Variants in PPP4R3B observed in about 807,000 individuals in gnomAD.
PPP4R3B encodes the protein protein phosphatase 4 regulatory subunit 3B.
PPP4R3B carries 52 observed loss-of-function variants against 95.4 expected under a neutral mutation model. The ratio of observed to expected loss-of-function variants is 0.54; its 90% CI spans 0.44 to 0.69. PPP4R3B has a LOEUF of 0.69. Ranked by LOEUF, PPP4R3B falls within the 30% of genes least tolerant of loss-of-function variation. PPP4R3B has a pLI of 0.00. For synonymous variants in PPP4R3B, 407 were observed against 343.9 expected, an observed-to-expected ratio of 1.18 and a Z score of -2.03; for missense variants, 1,003 against 1,005.9, an observed-to-expected ratio of 1.00 and a Z score of 0.04.
At chr2:55,611,576 A>G (rs1467120783) in intron 2 of PPP4R3B, among the ~76,000 whole-genome samples, 1 of 152,242 alleles carries the variant, frequency 6.6e-6, no homozygotes, top group Non-Finnish European at 1.5e-5. Context: ...GTCATATGAC[A>G]TTCAGCTTGA....
Position 55,602,222 on chromosome 2 carries a change from T to C in PPP4R3B, c.297+1756A>G, listed in dbSNP as rs79162130. ...TCTACTCCACACTGGCCCCAAATAC[T>C]AGGTATATTCATACTGATATTATTT... On this transcript the variant is annotated intron_variant, in intron 3 of 16. Transcript: ENST00000616407. Among the ~76,000 whole-genome samples, 173 of 152,346 alleles carry C rather than the reference T, an allele frequency of 1.1e-3. 1 individual carries two copies. The highest frequency in any genetic ancestry group is 3.5e-3 in the African/African-American group (146 of 41,586).
At chr2:55,574,077 G>C (rs1046454620) in intron 11 of PPP4R3B, among the ~76,000 whole-genome samples, 3 of 151,006 alleles carry the variant, frequency 2.0e-5, no homozygotes, top group African/African-American at 7.3e-5. Flanking sequence ...AGTTTTTGTA[G>C]AGATGGGGCC....
At chr2:55,574,796 G>A (rs1038029969) in intron 11 of PPP4R3B, among the ~76,000 whole-genome samples, 8 of 151,484 alleles carry the variant, frequency 5.3e-5, no homozygotes, top group Non-Finnish European at 7.4e-5. Context: ...AGGTTTCACC[G>A]TGTTAGCCAG....
chr2:55,554,120 A>G (rs1261770568), intron 16 of PPP4R3B, among the ~76,000 whole-genome samples: 4 of 152,194 alleles, frequency 2.6e-5, no homozygotes, highest in Non-Finnish European at 5.9e-5. Flanking sequence ...TCGAAAGTGC[A>G]GTGATGTGAT....
intron 7 of PPP4R3B, among the ~76,000 whole-genome samples, chr2:55,583,063 C>T (rs1362946565): frequency 6.6e-6 from 1 of 152,070 alleles, no homozygotes; most frequent in African/African-American, 2.4e-5. Context: ...GTTGCCATAA[C>T]CAAATCTGCT....
intron 13 of PPP4R3B, among the ~76,000 whole-genome samples, chr2:55,567,550 G>T (rs1318119878): frequency 6.6e-6 from 1 of 152,040 alleles, no homozygotes; most frequent in Non-Finnish European, 1.5e-5. Context: ...CAAGTGGCTG[G>T]GACTACAGGC....
At chr2:55,588,806 G>T in intron 5 of PPP4R3B, 73 bp downstream of exon 5, 2 of 948,692 alleles carry the variant, frequency 2.1e-6, no homozygotes, top group South Asian at 1.9e-5. Flanking sequence ...TCTCAAGTTA[G>T]CAAATTCAAG....
rs989738948 is a variant in PPP4R3B, at chr2:55,564,407, T to C, written c.2166A>G (p.Glu722=). ...GTGCCACAACTGCTTTTCCTTCCTCTTCTTCATCTTCATTAAACCACATTT... is the reference window on the plus strand; with the variant it reads ...GTGCCACAACTGCTTTTCCTTCCTCCTCTTCATCTTCATTAAACCACATTT... ...DEEMWFNEDE[E]EEGKAVVAPV... is the part of the protein sequence containing the mutation. The change falls in exon 15 of 17, where the codon GAA becomes GAG. Residue 722 remains glutamate (E), a synonymous_variant. Coordinates refer to ENST00000616407, the MANE Select transcript of PPP4R3B (RefSeq NM_001122964.3). 6.2e-7 allele frequency: 1 copy of C among 1,613,944 alleles called. No individual in the cohort carries two copies. The highest frequency in any genetic ancestry group is 8.5e-7 in the Non-Finnish European group (1 of 1,179,918).
chr2:55,575,967 T>C (rs1478883033), intron 11 of PPP4R3B, among the ~76,000 whole-genome samples: 3 of 152,216 alleles, frequency 2.0e-5, no homozygotes, highest in Admixed American at 1.3e-4. Context: ...CTACTTTAAA[T>C]GCAAGTAAAG....
rs952821986 is a variant in PPP4R3B at position 55,577,291 on chromosome 2, C to A, written c.1606+24G>T. The A allele has an allele frequency of 2.6e-6, 4 of 1,544,762 alleles. No homozygotes were observed. In the Admixed American group the frequency reaches 6.5e-5, roughly 25 times the overall value. ...AAAAAGTTTATAATTTGCATGTATT[C>A]ATAAAGTATGAATTCATACTTACCG... is the stretch of plus-strand genomic sequence containing the variant. On this transcript the variant is annotated intron_variant, in intron 11 of 16. Transcript: ENST00000616407.
intron 2 of PPP4R3B, among the ~76,000 whole-genome samples, chr2:55,612,282 T>C (rs1039901313): frequency 6.6e-6 from 1 of 152,178 alleles, no homozygotes; most frequent in Admixed American, 6.5e-5. Flanking sequence ...ACAACAGACT[T>C]CATGTGATAT....
chr2:55,556,196 TCTTG>T (rs370614988), intron 16 of PPP4R3B, among the ~76,000 whole-genome samples: 37 of 152,344 alleles, frequency 2.4e-4, no homozygotes, highest in African/African-American at 8.4e-4. Flanking sequence ...TCAACTCCTG[TCTTG>T]CTTAATTTCA....
At chr2:55,597,783 A>G (rs1212764013) in intron 4 of PPP4R3B, among the ~76,000 whole-genome samples, 2 of 152,218 alleles carry the variant, frequency 1.3e-5, no homozygotes, top group Admixed American at 6.5e-5. Flanking sequence ...CTTGGGCAAC[A>G]AGAGCAAAAC....
chr2:55,588,229 T>C (rs1384088739), intron 5 of PPP4R3B, among the ~76,000 whole-genome samples: 1 of 152,162 alleles, frequency 6.6e-6, no homozygotes, highest in African/African-American at 2.4e-5. Flanking sequence ...AGAAAAGCAT[T>C]GCGGCTAGGC....
intron 4 of PPP4R3B, among the ~76,000 whole-genome samples, chr2:55,590,798 A>C (rs1474146309): frequency 6.6e-6 from 1 of 152,210 alleles, no homozygotes; most frequent in Non-Finnish European, 1.5e-5. Flanking sequence ...TTTCTTACTG[A>C]GGATCATCCA....
rs541073988 is a variant in PPP4R3B, at chr2:55,598,656, T to C, written c.681A>G (p.Glu227=). 4 of 1,614,210 alleles carry C rather than the reference T, an allele frequency of 2.5e-6. No individual in the cohort carries two copies. The South Asian group carries it at 4.4e-5, about 18-fold the overall frequency. Residue 227 remains glutamate (E), a synonymous_variant, in exon 4 of 17, where the codon GAA becomes GAG. Transcript: ENST00000616407. ...TTGGCTGAGCCAAAGCAGGGTCATA[T>C]TCAAGGCATCCCACGACATCCATGA... is the stretch of plus-strand genomic sequence containing the variant. ...ECIMDVVGCL[E]YDPALAQPKR... is the part of the protein sequence containing the mutation.
rs531409726 is a variant in PPP4R3B at position 55,578,088 on chromosome 2, T to C, written c.1564+159A>G. ...CAATATGAACAGGTATCAATACGAATAGATCTCAAAAATAACACTGGATAA... is the reference window on the plus strand; with the variant it reads ...CAATATGAACAGGTATCAATACGAACAGATCTCAAAAATAACACTGGATAA... On this transcript the variant is annotated intron_variant, in intron 10 of 16. Transcript: ENST00000616407. Among the ~76,000 whole-genome samples, 9 of 152,244 alleles carry C rather than the reference T, an allele frequency of 5.9e-5. No homozygotes were observed. In the South Asian group the frequency reaches 1.4e-3, roughly 25 times the overall value.
At chr2:55,600,784 G>A (rs1461711308) in intron 3 of PPP4R3B, among the ~76,000 whole-genome samples, 1 of 151,770 alleles carries the variant, frequency 6.6e-6, no homozygotes, top group East Asian at 1.9e-4. Flanking sequence ...AAAAAACAAT[G>A]ACAAATGGAA....
At chr2:55,557,490 A>T (rs530979032) in intron 16 of PPP4R3B, among the ~76,000 whole-genome samples, 2 of 152,316 alleles carry the variant, frequency 1.3e-5, no homozygotes, top group South Asian at 4.1e-4. Flanking sequence ...AAACATTCTT[A>T]ATGTAGTGTC....
Sources: allele counts gnomAD v4.1 joint callset (sites outside exome capture counted in the v4.1 genomes callset), GRCh38; gene constraint gnomAD v4.1.1; transcripts MANE v1.5; gene names NCBI Gene and HGNC (gene_info 2026-07-23, HGNC 2026-07-21).